The following IQCM variants were observed in gnomAD, a reference collection of about 807,000 sequenced individuals.
IQCM encodes IQ motif containing M, also known as IQ domain-containing protein M.
In IQCM, 45 loss-of-function variants were observed where a neutral mutation model predicts 57.6. The observed-to-expected ratio is 0.78, with a 90% CI of 0.62 to 1.00. IQCM has a LOEUF of 1.00. Ranked by LOEUF, IQCM falls within the 50% of genes least tolerant of loss-of-function variation. The probability of loss-of-function intolerance (pLI) is 0.00; values close to 1 mark genes in which losing one functional copy is unlikely to be tolerated. For missense variants in IQCM, 468 were observed against 511.6 expected (o/e 0.91, Z 0.82); for synonymous variants, 148 against 158.9 (o/e 0.93, Z 0.51).
At position 149,726,132 on chromosome 4, in the gene IQCM, AAAGAAAGAAAAG is replaced by A. The variant is rs1178972363; in HGVS notation, c.385+7100_385+7111del. Among the ~76,000 whole-genome samples, 325 of 146,744 alleles carry A rather than the reference AAAGAAAGAAAAG, an allele frequency of 2.2e-3. 1 individual carries two copies. Among genetic ancestry groups the A allele is most frequent in the African/African-American group, 5.2e-3 (203 of 39,082 alleles). ...GAAAGAAAGAAAGAAAGAAAGAAAG[AAAGAAAGAAAAG>A]AAAGAAAGAAAGAATTTCATTTTTT... On this transcript the variant is annotated intron_variant, in intron 5 of 13. Coordinates refer to ENST00000636793, the MANE Select transcript of IQCM (RefSeq NM_001363507.2).
At chr4:149,779,777 T>C (rs1400224413) in intron 2 of IQCM, among the ~76,000 whole-genome samples, 1 of 152,162 alleles carries the variant, frequency 6.6e-6, no homozygotes. Flanking sequence ...ATCCCATAAA[T>C]ATGTTTTGAC....
At chr4:149,358,846 G>A (rs555962784) in intron 13 of IQCM, among the ~76,000 whole-genome samples, 29 of 151,576 alleles carry the variant, frequency 1.9e-4, no homozygotes, top group Non-Finnish European at 2.6e-4. Flanking sequence ...ACAGTGGACA[G>A]TATATCATGA....
At chr4:149,644,472 G>A (rs1158568677) in intron 7 of IQCM, among the ~76,000 whole-genome samples, 15 of 152,064 alleles carry the variant, frequency 9.9e-5, no homozygotes, top group Admixed American at 7.2e-4. Flanking sequence ...GATAAACATT[G>A]TTTATAAAAC....
At chr4:149,397,621 T>G (rs761173952) in intron 13 of IQCM, among the ~76,000 whole-genome samples, 9 of 152,064 alleles carry the variant, frequency 5.9e-5, no homozygotes, top group Non-Finnish European at 1.0e-4. Flanking sequence ...GTGAGTCAAT[T>G]AAACCTCCTT....
At chr4:149,424,990 G>GAGTT (rs1481335015) in intron 13 of IQCM, among the ~76,000 whole-genome samples, 13 of 151,884 alleles carry the variant, frequency 8.6e-5, no homozygotes, top group African/African-American at 3.1e-4. Flanking sequence ...GTTTGCTCTA[G>GAGTT]AGTTAGAATG....
At chr4:149,796,396 C>T (rs772860866) in intron 2 of IQCM, among the ~76,000 whole-genome samples, 2 of 152,162 alleles carry the variant, frequency 1.3e-5, no homozygotes, top group Admixed American at 6.5e-5. Flanking sequence ...AGCCTCAGTA[C>T]AGTAGAATAC....
intron 12 of IQCM, among the ~76,000 whole-genome samples, chr4:149,486,226 G>A (rs753915928): frequency 1.3e-5 from 2 of 151,996 alleles, no homozygotes; most frequent in Non-Finnish European, 2.9e-5. Context: ...TCCAGGCCCT[G>A]GGTGTGTCCA....
At chr4:149,421,843 T>A (rs1416784594) in intron 13 of IQCM, among the ~76,000 whole-genome samples, 1 of 152,096 alleles carries the variant, frequency 6.6e-6, no homozygotes, top group Non-Finnish European at 1.5e-5. Context: ...ACATTTAAAA[T>A]GTTCTATGCC....
In IQCM at chr4:149,663,551, T is replaced by G. The variant is rs1286217066; in HGVS notation, c.565+18567A>C. ...TTCTCCTTTATTTCTGAAGGAAACC[T>G]TTGATAGGTATATTATTTCTCCTTT... On this transcript the variant is annotated intron_variant, in intron 7 of 13. Coordinates refer to ENST00000636793, the MANE Select transcript of IQCM (RefSeq NM_001363507.2). 2.6e-5 allele frequency among the ~76,000 whole-genome samples: 4 copies of G among 152,124 alleles called. No homozygotes were observed. In the South Asian group the frequency reaches 6.2e-4, roughly 24 times the overall value.
intron 8 of IQCM, among the ~76,000 whole-genome samples, chr4:149,620,596 A>G (rs1307065104): frequency 1.3e-5 from 2 of 152,222 alleles, no homozygotes; most frequent in Admixed American, 6.5e-5. Context: ...TACTATTCAC[A>G]TGTATATATT....
chr4:149,506,551 G>A (rs1423839698), intron 12 of IQCM, among the ~76,000 whole-genome samples: 4 of 152,092 alleles, frequency 2.6e-5, no homozygotes, highest in Non-Finnish European at 5.9e-5. Flanking sequence ...GAAGGAGAGG[G>A]CCCAGGATAT....
intron 13 of IQCM, among the ~76,000 whole-genome samples, chr4:149,419,524 CA>C (rs1733979462): frequency 1.3e-5 from 2 of 151,790 alleles, no homozygotes; most frequent in African/African-American, 4.8e-5. Flanking sequence ...TGTAAGACCC[CA>C]AACTATAAAA....
At chr4:149,555,979 T>C (rs1482272798) in intron 10 of IQCM, among the ~76,000 whole-genome samples, 2 of 152,174 alleles carry the variant, frequency 1.3e-5, no homozygotes, top group Non-Finnish European at 2.9e-5. Context: ...AAAATGACAA[T>C]GGTCCATCCA....
At chr4:149,473,207 G>C (rs1261970519) in intron 12 of IQCM, among the ~76,000 whole-genome samples, 3 of 151,980 alleles carry the variant, frequency 2.0e-5, no homozygotes, top group African/African-American at 4.8e-5. Context: ...TGGGAGAAAA[G>C]TTTTGCAATC....
At chr4:149,425,767 C>G (rs537318394) in intron 13 of IQCM, among the ~76,000 whole-genome samples, 1 of 151,906 alleles carries the variant, frequency 6.6e-6, no homozygotes, top group Admixed American at 6.6e-5. Flanking sequence ...ATAAAATTAA[C>G]CTTCACAACA....
At chr4:149,667,037 A>G (rs1760792816) in intron 7 of IQCM, among the ~76,000 whole-genome samples, 1 of 152,152 alleles carries the variant, frequency 6.6e-6, no homozygotes, top group Non-Finnish European at 1.5e-5. Flanking sequence ...GCCAGCTCTG[A>G]AAAGAACAGC....
At chr4:149,683,168 A>T (rs774479932) in intron 6 of IQCM, among the ~76,000 whole-genome samples, 1 of 151,098 alleles carries the variant, frequency 6.6e-6, no homozygotes, top group Non-Finnish European at 1.5e-5. Flanking sequence ...TAACATACTG[A>T]TCGCTTATTT....
intron 5 of IQCM, among the ~76,000 whole-genome samples, chr4:149,731,962 C>G (rs1311714160): frequency 6.6e-6 from 1 of 152,130 alleles, no homozygotes; most frequent in Non-Finnish European, 1.5e-5. Flanking sequence ...GCTGATGGAA[C>G]AGCCCTCCTC....
intron 5 of IQCM, among the ~76,000 whole-genome samples, chr4:149,722,387 A>C (rs1015654186): frequency 4.0e-5 from 6 of 151,898 alleles, no homozygotes; most frequent in Non-Finnish European, 8.8e-5. Flanking sequence ...TGTCCAGAAA[A>C]ATTTTTCCTA....
Sources: allele counts gnomAD v4.1 joint callset (sites outside exome capture counted in the v4.1 genomes callset), GRCh38; gene constraint gnomAD v4.1.1; transcripts MANE v1.5; gene names NCBI Gene and HGNC (gene_info 2026-07-23, HGNC 2026-07-21).